Variants in LRP1B observed in about 807,000 individuals in gnomAD.
LRP1B encodes the protein LDL receptor related protein 1B, also known as low-density lipoprotein receptor-related protein 1B.
LRP1B carries 217 observed loss-of-function variants against 556.6 expected under a neutral mutation model. The observed-to-expected ratio is 0.39, with a 90% CI of 0.35 to 0.44. LRP1B has a LOEUF of 0.44. Among genes scored for constraint, LRP1B ranks in the 20% least tolerant of loss-of-function variants. LRP1B has a pLI of 1.00. For synonymous variants in LRP1B, 2,047 were observed against 1,865.8 expected (o/e 1.10, Z -2.50); for missense variants, 5,053 against 5,620.8 (o/e 0.90, Z 3.23).
intron 41 of LRP1B, among the ~76,000 whole-genome samples, chr2:140,672,052 T>C (rs143903649): frequency 2.0e-3 from 310 of 152,356 alleles, no homozygotes; most frequent in Non-Finnish European, 3.9e-3. Flanking sequence ...GGGCATGGTC[T>C]ATCCTGGTCC....
intron 86 of LRP1B, among the ~76,000 whole-genome samples, chr2:140,256,781 T>C (rs1201102383): frequency 1.3e-5 from 2 of 151,948 alleles, no homozygotes; most frequent in East Asian, 3.9e-4. Flanking sequence ...TTTTTCTTTT[T>C]GTAAGGCAAT....
chr2:140,422,927 A>G (rs912275671), intron 66 of LRP1B, among the ~76,000 whole-genome samples: 1 of 152,214 alleles, frequency 6.6e-6, no homozygotes, highest in African/African-American at 2.4e-5. Flanking sequence ...AATGCATTCC[A>G]TGTTAATTCA....
intron 1 of LRP1B, among the ~76,000 whole-genome samples, chr2:141,822,313 T>A (rs1003755158): frequency 6.6e-6 from 1 of 152,202 alleles, no homozygotes; most frequent in Non-Finnish European, 1.5e-5. Context: ...TCAGTAGAAA[T>A]GATCTATTTC....
At chr2:140,340,931 C>T (rs763295717) in intron 77 of LRP1B, among the ~76,000 whole-genome samples, 1 of 151,390 alleles carries the variant, frequency 6.6e-6, no homozygotes, top group South Asian at 2.1e-4. Context: ...AATCATTTTG[C>T]AACCAAAAGG....
At chr2:140,825,661 T>A (rs959359066) in intron 31 of LRP1B, among the ~76,000 whole-genome samples, 8 of 152,210 alleles carry the variant, frequency 5.3e-5, no homozygotes, top group Admixed American at 2.0e-4. Context: ...AATTCATGTA[T>A]TTTGATGAAT....
At chr2:141,256,894 C>T (rs1317062726) in intron 3 of LRP1B, among the ~76,000 whole-genome samples, 2 of 151,814 alleles carry the variant, frequency 1.3e-5, no homozygotes, top group African/African-American at 2.4e-5. Context: ...AAGAAGCATT[C>T]CCTTAAGAAG....
chr2:140,922,812 C>G (rs181533418), intron 21 of LRP1B, among the ~76,000 whole-genome samples, 153 bp downstream of exon 21: 5 of 152,034 alleles, frequency 3.3e-5, no homozygotes. Flanking sequence ...ATTGATAGTT[C>G]TCCCTAAATG....
chr2:141,038,582 A>G lies in LRP1B; in HGVS notation c.1789+10404T>C, dbSNP rs149994937. Among the ~76,000 whole-genome samples, 3 of 152,194 alleles carry G rather than the reference A, an allele frequency of 2.0e-5. No individual in the cohort carries two copies. The East Asian group carries it at 5.8e-4, about 30-fold the overall frequency. On this transcript the variant is annotated intron_variant, in intron 11 of 90. Transcript: ENST00000389484. ...TCCCTAAAATGTTCTCATAATAGCT[A>G]GTGTCGTGGGAGTTTTCTCAGCATG...
intron 51 of LRP1B, among the ~76,000 whole-genome samples, chr2:140,513,572 T>C (rs908129046): frequency 2.0e-5 from 3 of 151,952 alleles, no homozygotes; most frequent in Non-Finnish European, 4.4e-5. Context: ...GTTTCAGCTG[T>C]GTAAATAAAA....
At chr2:141,692,068 A>G (rs1691554293) in intron 2 of LRP1B, among the ~76,000 whole-genome samples, 1 of 151,942 alleles carries the variant, frequency 6.6e-6, no homozygotes, top group African/African-American at 2.4e-5. Flanking sequence ...TGAATTCTAT[A>G]ACTCCTCTGG....
At chr2:141,778,165 A>G (rs1042995787) in intron 2 of LRP1B, among the ~76,000 whole-genome samples, 1 of 152,206 alleles carries the variant, frequency 6.6e-6, no homozygotes, top group Non-Finnish European at 1.5e-5. Flanking sequence ...TATTGTTGAT[A>G]TATTCTAAAG....
intron 57 of LRP1B, among the ~76,000 whole-genome samples, chr2:140,489,244 G>A (rs190564548): frequency 4.1e-4 from 62 of 151,958 alleles, no homozygotes; most frequent in African/African-American, 1.3e-3. Flanking sequence ...TCATTTTCTT[G>A]AGGTCCAGAT....
chr2:140,358,889 A>C lies in LRP1B; in HGVS notation c.11189T>G (p.Leu3730Arg). ...PHRCRNNRICLQSEQMCNGID... is the reference protein window; with the variant it reads ...PHRCRNNRICRQSEQMCNGID... ...CCCATTGCACATTTGCTCCGACTGT[A>C]GGCATATTCTGTTATTTCTGCATCT... Residue 3730 changes from leucine to arginine, a missense_variant, in exon 73 of 91, where the codon CTA (leucine) becomes CGA (arginine). By Grantham distance (102) the Leu-to-Arg change is moderately radical. This residue lies in a region of LRP1B where 599 missense variants were observed against 648.4 expected (regional missense o/e 0.92). Coordinates refer to ENST00000389484, the MANE Select transcript of LRP1B (RefSeq NM_018557.3). 6.2e-7 allele frequency: 1 copy of C among 1,609,270 alleles called. No individual in the cohort carries two copies. Among genetic ancestry groups the C allele is most frequent in the Non-Finnish European group, 8.5e-7 (1 of 1,176,436 alleles).
chr2:141,163,473 C>T (rs539690809), intron 7 of LRP1B, among the ~76,000 whole-genome samples: 3 of 151,896 alleles, frequency 2.0e-5, no homozygotes, highest in South Asian at 2.1e-4. Context: ...GGAAGATGCC[C>T]GGAAAAAGTC....
intron 21 of LRP1B, among the ~76,000 whole-genome samples, chr2:140,918,897 A>G (rs1694658436): frequency 6.6e-6 from 1 of 152,004 alleles, no homozygotes; most frequent in Admixed American, 6.6e-5. Context: ...TAAACAACCC[A>G]GTTTATGATA....
chr2:142,063,992 G>T (rs974588191), intron 1 of LRP1B, among the ~76,000 whole-genome samples: 3 of 151,454 alleles, frequency 2.0e-5, no homozygotes, highest in African/African-American at 4.8e-5. Context: ...GGCACTCAAG[G>T]CTTTTCCATT....
At chr2:141,955,697 C>T (rs1701227102) in intron 1 of LRP1B, among the ~76,000 whole-genome samples, 1 of 152,026 alleles carries the variant, frequency 6.6e-6, no homozygotes, top group Admixed American at 6.6e-5. Context: ...AGTCAGCTCA[C>T]ATCGCTGTTT....
chr2:140,534,818 T>C (rs1005945722), intron 46 of LRP1B, among the ~76,000 whole-genome samples: 8 of 152,272 alleles, frequency 5.3e-5, no homozygotes, highest in Non-Finnish European at 1.2e-4. Context: ...AAACACTTGC[T>C]GGTTTCATGC....
chr2:141,369,674 T>TA (rs1689159050), intron 3 of LRP1B, among the ~76,000 whole-genome samples: 1 of 152,172 alleles, frequency 6.6e-6, no homozygotes, highest in Non-Finnish European at 1.5e-5. Flanking sequence ...AAAATATTTG[T>TA]ATATATTCAT....
Sources: gnomAD v4.1 joint callset for allele counts (sites outside exome capture counted in the v4.1 genomes callset) on GRCh38, gnomAD v4.1.1 for gene constraint, gnomAD v4.1.1 regional missense constraint, MANE v1.5 for transcripts, NCBI Gene and HGNC (gene_info 2026-07-23, HGNC 2026-07-21) for gene names.